MEGF11: variants seen among roughly 807,000 people sequenced by gnomAD.
The protein encoded by MEGF11 is multiple EGF like domains 11.
A neutral mutation model predicts 146.6 loss-of-function variants in MEGF11; 126 were observed. That is an observed-to-expected ratio of 0.86 (90% CI 0.74 to 1.00). The LOEUF is 1.00. Among genes scored for constraint, MEGF11 ranks in the 50% least tolerant of loss-of-function variants. The probability of loss-of-function intolerance (pLI) is 0.00; values close to 1 mark genes in which losing one functional copy is unlikely to be tolerated. For missense variants in MEGF11, 1,509 were observed against 1,521.2 expected (o/e 0.99, Z 0.13); for synonymous variants, 532 against 583.4 (o/e 0.91, Z 1.27).
intron 5 of MEGF11, among the ~76,000 whole-genome samples, chr15:66,071,789 C>T (rs1447066247): frequency 6.6e-6 from 1 of 152,250 alleles, no homozygotes; most frequent in Non-Finnish European, 1.5e-5. Context: ...CTGGTTCCAA[C>T]TCCGCATTCC....
chr15:66,163,051 C>A (rs2089997879), intron 1 of MEGF11, among the ~76,000 whole-genome samples: 1 of 152,092 alleles, frequency 6.6e-6, no homozygotes, highest in South Asian at 2.1e-4. Context: ...CCACAAGATT[C>A]AACCAAAGCC....
chr15:66,017,026 CAG>C (rs1391387846), intron 5 of MEGF11, among the ~76,000 whole-genome samples: 1 of 152,196 alleles, frequency 6.6e-6, no homozygotes, highest in Non-Finnish European at 1.5e-5. Flanking sequence ...GGATGTTGGA[CAG>C]GGGTTATTTT....
intron 1 of MEGF11, among the ~76,000 whole-genome samples, chr15:66,252,852 G>A (rs532389291): frequency 3.0e-4 from 45 of 152,330 alleles, no homozygotes; most frequent in African/African-American, 1.1e-3. Context: ...GGAACTTCGG[G>A]ACCACGCTCC....
intron 2 of MEGF11, 133 bp from the exon 3 acceptor site, chr15:66,124,133 C>T (rs1247757450): frequency 8.7e-6 from 6 of 692,508 alleles, no homozygotes; most frequent in East Asian, 8.1e-5. Flanking sequence ...GACCTCCCCC[C>T]TCCCAACTAT....
chr15:65,944,576 C>A (rs921976453), intron 10 of MEGF11, among the ~76,000 whole-genome samples: 1 of 152,122 alleles, frequency 6.6e-6, no homozygotes, highest in African/African-American at 2.4e-5. Context: ...CCTTGAGCGA[C>A]AGGCATGAAC....
At chr15:66,214,005 A>G (rs16949699) in intron 1 of MEGF11, among the ~76,000 whole-genome samples, 1 of 148,198 alleles carries the variant, frequency 6.7e-6, no homozygotes, top group African/African-American at 2.5e-5. Context: ...AGAAGCAGTT[A>G]GATATGCCCA....
rs187355580 is a variant in MEGF11, at chr15:66,166,442, T to G, written c.-8-38031A>C. On this transcript the variant is annotated intron_variant, in intron 1 of 25. Transcript: ENST00000395614. ...CTGCTTCCCCTCTTCCAGTCTACCC[T>G]CTACTCAGCAGCCAGGGAGAGCTTT... is the stretch of plus-strand genomic sequence containing the variant. Among the ~76,000 whole-genome samples, 139 of 152,204 alleles carry G rather than the reference T, an allele frequency of 9.1e-4. 1 individual carries two copies. Among genetic ancestry groups the G allele is most frequent in the African/African-American group, 3.2e-3 (133 of 41,532 alleles).
At chr15:66,088,655 CA>C (rs5813374) in intron 5 of MEGF11, among the ~76,000 whole-genome samples, 138,087 of 146,210 alleles carry the variant, frequency 0.94, 65,511 homozygotes, top group South Asian at 0.99. Context: ...ACTTCATTCT[CA>C]AAAAAAAAAA....
At chr15:66,116,496 A>G (rs897114941) in intron 4 of MEGF11, among the ~76,000 whole-genome samples, 1 of 152,160 alleles carries the variant, frequency 6.6e-6, no homozygotes, top group Non-Finnish European at 1.5e-5. Context: ...GGCAGCAACT[A>G]TCCATCATCT....
chr15:65,966,186 G>A (rs2081090752), intron 8 of MEGF11, among the ~76,000 whole-genome samples: 1 of 152,100 alleles, frequency 6.6e-6, no homozygotes, highest in Admixed American at 6.5e-5. Context: ...ACTAGAGACG[G>A]GGTTTCACCA....
At chr15:66,044,537 G>C (rs2084116849) in intron 5 of MEGF11, among the ~76,000 whole-genome samples, 1 of 152,212 alleles carries the variant, frequency 6.6e-6, no homozygotes, top group South Asian at 2.1e-4. Flanking sequence ...TCTTACTTCT[G>C]CATTAGGGGG....
At chr15:66,057,229 A>G (rs955765351) in intron 5 of MEGF11, among the ~76,000 whole-genome samples, 8 of 152,166 alleles carry the variant, frequency 5.3e-5, no homozygotes, top group Non-Finnish European at 5.9e-5. Context: ...TCGGTGAAGC[A>G]AAACGAGGGT....
intron 1 of MEGF11, among the ~76,000 whole-genome samples, chr15:66,190,643 C>T (rs1355048844): frequency 6.6e-6 from 1 of 152,092 alleles, no homozygotes; most frequent in Non-Finnish European, 1.5e-5. Flanking sequence ...GAGATCCTTG[C>T]CCACCTGAGA....
At chr15:66,091,509 G>A (rs781690725) in intron 5 of MEGF11, among the ~76,000 whole-genome samples, 4 of 152,204 alleles carry the variant, frequency 2.6e-5, no homozygotes, top group Non-Finnish European at 5.9e-5. Context: ...TTCAGGTTCA[G>A]GACATAGGTT....
chr15:65,958,556 C>A (rs952483262), intron 9 of MEGF11, among the ~76,000 whole-genome samples: 2 of 152,126 alleles, frequency 1.3e-5, no homozygotes, highest in Non-Finnish European at 2.9e-5. Context: ...TTCCCCTGCG[C>A]CACTTCCAGC....
intron 1 of MEGF11, among the ~76,000 whole-genome samples, chr15:66,201,926 G>A (rs952429276): frequency 2.8e-4 from 35 of 123,206 alleles, no homozygotes; most frequent in Non-Finnish European, 4.6e-4. Context: ...CAGTCTGGGC[G>A]ACAGAGCAAG....
Position 65,897,759 on chromosome 15 carries a change from A to G in MEGF11, c.*175T>C, listed in dbSNP as rs1488187670. ...GATAGGATTTGCCTTTGAGAACACA[A>G]TTCCTTGAACAATTATCCCAGTCCC... On this transcript the variant is annotated 3_prime_UTR_variant, in exon 26 of 26. Transcript: ENST00000395614. 5.3e-6 allele frequency: 3 copies of G among 565,602 alleles called. No individual in the cohort carries two copies. Among genetic ancestry groups the G allele is most frequent in the Non-Finnish European group, 5.8e-6 (2 of 346,112 alleles). 35.0% of individuals were successfully genotyped at this position (565,602 alleles called of 1,614,324 possible).
chr15:66,110,840 A>AC (rs955728136), intron 4 of MEGF11, among the ~76,000 whole-genome samples: 3 of 151,278 alleles, frequency 2.0e-5, no homozygotes, highest in African/African-American at 7.3e-5. Context: ...CCTTTCCTCC[A>AC]CCCCCCATGC....
chr15:66,002,943 C>T (rs187142620), intron 5 of MEGF11, among the ~76,000 whole-genome samples: 8 of 151,884 alleles, frequency 5.3e-5, no homozygotes, highest in African/African-American at 1.7e-4. Flanking sequence ...CAGGGCTGAG[C>T]CTAGAATAGT....
Sources: gnomAD v4.1 joint callset for allele counts (sites outside exome capture counted in the v4.1 genomes callset) on GRCh38, gnomAD v4.1.1 for gene constraint, MANE v1.5 for transcripts, NCBI Gene and HGNC (gene_info 2026-07-23, HGNC 2026-07-21) for gene names.